Variants in CTNNA2 observed in about 807,000 individuals in gnomAD.
CTNNA2 encodes catenin alpha-2.
Under a neutral mutation model 101.0 loss-of-function variants are expected in CTNNA2, and 42 were observed. The ratio of observed to expected loss-of-function variants is 0.42; its 90% CI spans 0.32 to 0.54. The LOEUF (loss-of-function observed/expected upper bound fraction) is 0.54. Ranked by LOEUF, CTNNA2 falls within the 20% of genes least tolerant of loss-of-function variation. CTNNA2 has a pLI of 0.14. For missense variants in CTNNA2, 871 were observed against 1,223.1 expected, an observed-to-expected ratio of 0.71 and a Z score of 4.29; for synonymous variants, 450 against 456.4, an observed-to-expected ratio of 0.99 and a Z score of 0.18.
At chr2:80,559,528 A>G (rs1326929114) in intron 12 of CTNNA2, among the ~76,000 whole-genome samples, 1 of 152,220 alleles carries the variant, frequency 6.6e-6, no homozygotes, top group Admixed American at 6.5e-5. Flanking sequence ...GCTTTGCTTA[A>G]GAGTGCTTCT....
At chr2:79,371,005 C>T (rs1231521257) in intron 3 of CTNNA2, among the ~76,000 whole-genome samples, 2 of 152,064 alleles carry the variant, frequency 1.3e-5, no homozygotes, top group African/African-American at 4.8e-5. Flanking sequence ...ATGCACTGAG[C>T]TGATCAGCTT....
At chr2:79,257,496 G>GT (rs1674863106) in intron 2 of CTNNA2, among the ~76,000 whole-genome samples, 1 of 144,666 alleles carries the variant, frequency 6.9e-6, no homozygotes, top group Non-Finnish European at 1.5e-5. Context: ...GAGAAAGTAG[G>GT]TTAAAAAAAA....
rs114029020 is a variant in CTNNA2 at position 80,342,632 on chromosome 2, A to G, written c.1057-50579A>G. ...CACTGAAATAATCAACTGCCACCTA[A>G]TTTTTTTTAAAATCTTTCTTTTCAT... On this transcript the variant is annotated intron_variant, in intron 7 of 18. Transcript: ENST00000402739. Among the ~76,000 whole-genome samples, 1,276 of 152,168 alleles carry G rather than the reference A, an allele frequency of 8.4e-3. 15 individuals carry two copies. The highest frequency in any genetic ancestry group is 0.028 in the African/African-American group (1,178 of 41,500).
chr2:80,220,293 TTTTGAC>T (rs1387290221), intron 7 of CTNNA2, among the ~76,000 whole-genome samples: 1 of 152,248 alleles, frequency 6.6e-6, no homozygotes, highest in Non-Finnish European at 1.5e-5. Context: ...CACTGAATAT[TTTTGAC>T]ACACTCAGGA....
rs1425376971 is a variant in CTNNA2 at position 79,562,863 on chromosome 2, C to G, written c.-6+49656C>G. ...TGTTAAAAAAAGCTGAGTGTTGTTG[C>G]TAAACTTGGGTGTGTGTGTGTATGT... On this transcript the variant is annotated intron_variant, in intron 1 of 18. Transcript: ENST00000402739. Among the ~76,000 whole-genome samples, 6 of 151,706 alleles carry G rather than the reference C, an allele frequency of 4.0e-5. No individual in the cohort carries two copies. In the East Asian group the frequency reaches 1.2e-3, roughly 30 times the overall value.
chr2:80,192,589 C>A (rs1176222894), intron 7 of CTNNA2, among the ~76,000 whole-genome samples: 2 of 152,012 alleles, frequency 1.3e-5, no homozygotes, highest in Admixed American at 1.3e-4. Context: ...TGTAAGGGCA[C>A]AATCTTGGCT....
intron 15 of CTNNA2, among the ~76,000 whole-genome samples, chr2:80,600,532 T>G (rs961481857): frequency 3.9e-5 from 6 of 151,970 alleles, no homozygotes; most frequent in Admixed American, 1.3e-4. Context: ...ATGCAAAAGA[T>G]TTGAAAAGAC....
chr2:80,450,593 T>C (rs1404778833), intron 9 of CTNNA2, among the ~76,000 whole-genome samples: 2 of 152,158 alleles, frequency 1.3e-5, no homozygotes, highest in Non-Finnish European at 2.9e-5. Flanking sequence ...TCTTTTTTCT[T>C]GTGTTAGTGT....
intron 1 of CTNNA2, among the ~76,000 whole-genome samples, chr2:79,649,871 G>A (rs114220502): frequency 0.016 from 2,436 of 152,164 alleles, 36 homozygotes; most frequent in Non-Finnish European, 0.027. Flanking sequence ...AAAAGCTTTA[G>A]CTGTAAGAGA....
At chr2:80,231,693 A>G (rs1231639455) in intron 7 of CTNNA2, among the ~76,000 whole-genome samples, 1 of 152,290 alleles carries the variant, frequency 6.6e-6, no homozygotes, top group East Asian at 1.9e-4. Context: ...AAGATCCCAA[A>G]TTCCAACCTG....
intron 9 of CTNNA2, among the ~76,000 whole-genome samples, chr2:80,481,163 C>T (rs978718200): frequency 6.6e-6 from 1 of 152,114 alleles, no homozygotes; most frequent in African/African-American, 2.4e-5. Flanking sequence ...ATGACAGTAA[C>T]TCTGGTGGCT....
intron 4 of CTNNA2, among the ~76,000 whole-genome samples, chr2:79,384,525 G>C (rs1678076466): frequency 6.6e-6 from 1 of 151,856 alleles, no homozygotes; most frequent in South Asian, 2.1e-4. Flanking sequence ...AGAAATGTAG[G>C]TGTCAAAGTA....
intron 7 of CTNNA2, among the ~76,000 whole-genome samples, chr2:79,915,100 AG>A (rs1274514488): frequency 1.1e-4 from 16 of 152,094 alleles, no homozygotes. Context: ...GTAATACATG[AG>A]ATGATATCCA....
chr2:80,308,132 AG>A (rs1318972050), intron 7 of CTNNA2, among the ~76,000 whole-genome samples: 1 of 152,208 alleles, frequency 6.6e-6, no homozygotes, highest in African/African-American at 2.4e-5. Context: ...TATGTTGTGA[AG>A]TGGAGTGGGG....
chr2:79,627,649 T>C (rs1190698330), intron 1 of CTNNA2, among the ~76,000 whole-genome samples: 1 of 152,248 alleles, frequency 6.6e-6, no homozygotes, highest in Non-Finnish European at 1.5e-5. Context: ...GTTGTTGATA[T>C]TAAAATGGAA....
At chr2:80,162,664 A>G in intron 7 of CTNNA2, 2 of 1,612,654 alleles carry the variant, frequency 1.2e-6, no homozygotes, top group Non-Finnish European at 1.7e-6. Flanking sequence ...CGCTGTGATG[A>G]TGGTGTACCT....
chr2:80,279,169 A>C (rs994570756), intron 7 of CTNNA2, among the ~76,000 whole-genome samples: 2 of 151,974 alleles, frequency 1.3e-5, no homozygotes, highest in Admixed American at 1.3e-4. Flanking sequence ...CTGGAGAAAC[A>C]TTCCTGAGGC....
intron 5 of CTNNA2, 125 bp downstream of exon 5, chr2:79,870,060 T>G: frequency 8.0e-7 from 1 of 1,249,212 alleles, no homozygotes; most frequent in Non-Finnish European, 1.1e-6. Flanking sequence ...GAACCTGTGA[T>G]GACAAAGGTT....
intron 7 of CTNNA2, among the ~76,000 whole-genome samples, chr2:80,087,627 A>G (rs1009977933): frequency 1.3e-5 from 2 of 152,054 alleles, no homozygotes; most frequent in Admixed American, 6.6e-5. Context: ...GAGGAAAATG[A>G]AAGTTCTCTA....
Sources: gnomAD v4.1 joint callset for allele counts (sites outside exome capture counted in the v4.1 genomes callset) on GRCh38, gnomAD v4.1.1 for gene constraint, MANE v1.5 for transcripts, NCBI Gene and HGNC (gene_info 2026-07-23, HGNC 2026-07-21) for gene names.